Variants in LSAMP observed in about 807,000 individuals in gnomAD.
LSAMP encodes limbic system-associated membrane protein.
A neutral mutation model predicts 38.6 loss-of-function variants in LSAMP; 7 were observed. The ratio of observed to expected loss-of-function variants is 0.18; its 90% CI spans 0.10 to 0.34. The LOEUF (loss-of-function observed/expected upper bound fraction) is 0.34. Among genes scored for constraint, LSAMP ranks in the 10% least tolerant of loss-of-function variants. The pLI is 1.00. For synonymous variants in LSAMP, 154 were observed against 166.8 expected (o/e 0.92, Z 0.59); for missense variants, 313 against 420.0 (o/e 0.75, Z 2.23).
At chr3:116,277,004 G>C (rs1170170973) in intron 1 of LSAMP, among the ~76,000 whole-genome samples, 1 of 152,170 alleles carries the variant, frequency 6.6e-6, no homozygotes, top group Non-Finnish European at 1.5e-5. Flanking sequence ...AGTACACATG[G>C]AGCAGAAGAC....
chr3:116,236,001 T>C (rs554765767), intron 1 of LSAMP, among the ~76,000 whole-genome samples: 6 of 152,304 alleles, frequency 3.9e-5, no homozygotes, highest in African/African-American at 1.4e-4. Flanking sequence ...TAAATTTATT[T>C]GGTGCCTTTT....
intron 1 of LSAMP, among the ~76,000 whole-genome samples, chr3:116,213,613 A>G (rs2046187880): frequency 6.6e-6 from 1 of 152,228 alleles, no homozygotes; most frequent in Non-Finnish European, 1.5e-5. Flanking sequence ...TCAATAGCCA[A>G]CATGTGGAAA....
chr3:116,307,185 C>T (rs573587100), intron 1 of LSAMP, among the ~76,000 whole-genome samples: 20 of 151,994 alleles, frequency 1.3e-4, no homozygotes, highest in Non-Finnish European at 2.8e-4. Context: ...AAATTTGACT[C>T]AGGGCAAAGC....
intron 1 of LSAMP, among the ~76,000 whole-genome samples, chr3:116,434,127 C>T (rs1559866847): frequency 6.6e-6 from 1 of 152,140 alleles, no homozygotes; most frequent in Non-Finnish European, 1.5e-5. Flanking sequence ...CCTCTTCAAC[C>T]CCACATCCAC....
At chr3:116,107,860 G>A (rs1406389659) in intron 1 of LSAMP, among the ~76,000 whole-genome samples, 1 of 152,122 alleles carries the variant, frequency 6.6e-6, no homozygotes, top group East Asian at 1.9e-4. Flanking sequence ...AGAGTATATG[G>A]GTTTGGCACC....
intron 2 of LSAMP, among the ~76,000 whole-genome samples, chr3:116,045,854 C>G (rs1941278463): frequency 6.6e-6 from 1 of 152,162 alleles, no homozygotes. Flanking sequence ...CCAAAGAGAT[C>G]AAATACATTT....
intron 4 of LSAMP, among the ~76,000 whole-genome samples, chr3:115,846,348 C>G (rs1225661296): frequency 6.6e-6 from 1 of 152,034 alleles, no homozygotes. Flanking sequence ...TCACCAATAA[C>G]AAGACTCTTT....
chr3:116,346,995 A>C (rs2048071592), intron 1 of LSAMP, among the ~76,000 whole-genome samples: 1 of 152,336 alleles, frequency 6.6e-6, no homozygotes, highest in South Asian at 2.1e-4. Flanking sequence ...TATTTATGTA[A>C]TTTTGAAAAA....
At chr3:116,272,057 T>A (rs1011774203) in intron 1 of LSAMP, among the ~76,000 whole-genome samples, 1 of 152,006 alleles carries the variant, frequency 6.6e-6, no homozygotes, top group African/African-American at 2.4e-5. Flanking sequence ...ATGGAAGGAA[T>A]TCTCAAAGCC....
Position 115,805,572 on chromosome 3 carries a change from A to G in LSAMP, c.*4745T>C, listed in dbSNP as rs1181856455. 6.6e-6 allele frequency: 1 copy of G among 152,212 alleles called. No individual in the cohort carries two copies. The allele number at this position is 152,212 out of a possible 1,614,324, so 9.4% of individuals were successfully genotyped here. On this transcript the variant is annotated 3_prime_UTR_variant, in exon 7 of 7. Coordinates refer to ENST00000490035, the MANE Select transcript of LSAMP (RefSeq NM_002338.5). ...ATGTGCTCAAAAGAAATCAAGGTTT[A>G]AAATAAGTTTTCCATAATATTCATA...
intron 1 of LSAMP, among the ~76,000 whole-genome samples, chr3:116,393,432 G>A (rs2048728639): frequency 6.6e-6 from 1 of 152,170 alleles, no homozygotes; most frequent in Non-Finnish European, 1.5e-5. Context: ...TGAAGCAATA[G>A]CCAGTGCATC....
chr3:116,309,285 T>A (rs2047525111), intron 1 of LSAMP, among the ~76,000 whole-genome samples: 1 of 152,082 alleles, frequency 6.6e-6, no homozygotes, highest in African/African-American at 2.4e-5. Context: ...TTACCAAGTA[T>A]AATCTGGTAA....
intron 1 of LSAMP, among the ~76,000 whole-genome samples, chr3:116,178,375 C>T (rs1295021665): frequency 1.3e-5 from 2 of 152,182 alleles, no homozygotes; most frequent in East Asian, 3.9e-4. Flanking sequence ...ACCACGTTGG[C>T]CAGGCTGGTC....
intron 1 of LSAMP, among the ~76,000 whole-genome samples, chr3:116,404,401 AATAG>A (rs1466202421): frequency 5.3e-5 from 8 of 152,294 alleles, no homozygotes; most frequent in African/African-American, 1.9e-4. Flanking sequence ...GACTGGCTTA[AATAG>A]ATAGTTATAG....
chr3:116,345,126 C>G (rs572050351), intron 1 of LSAMP, among the ~76,000 whole-genome samples: 1 of 152,084 alleles, frequency 6.6e-6, no homozygotes, highest in Non-Finnish European at 1.5e-5. Flanking sequence ...ATGGAGATTA[C>G]TATTTGTCTG....
intron 1 of LSAMP, among the ~76,000 whole-genome samples, chr3:116,137,260 C>T (rs114960032): frequency 0.053 from 8,045 of 152,062 alleles, 270 homozygotes; most frequent in Middle Eastern, 0.16. Context: ...ATCTTAATTA[C>T]ATCAGCCAAG....
chr3:116,404,750 TG>T (rs751074216), intron 1 of LSAMP, among the ~76,000 whole-genome samples: 2 of 152,142 alleles, frequency 1.3e-5, no homozygotes, highest in Non-Finnish European at 2.9e-5. Context: ...GTGACAAAAT[TG>T]TTTTTTTGTG....
At chr3:116,120,841 C>G (rs747572285) in intron 1 of LSAMP, among the ~76,000 whole-genome samples, 3 of 152,218 alleles carry the variant, frequency 2.0e-5, no homozygotes, top group Non-Finnish European at 4.4e-5. Flanking sequence ...CTGAGTAAAA[C>G]AAACTTGATG....
intron 1 of LSAMP, among the ~76,000 whole-genome samples, chr3:116,171,993 T>G (rs946815889): frequency 6.6e-6 from 1 of 152,072 alleles, no homozygotes; most frequent in African/African-American, 2.4e-5. Context: ...ACAATAAAAT[T>G]ACTTATTTTA....
Sources: gnomAD v4.1 joint callset for allele counts (sites outside exome capture counted in the v4.1 genomes callset) on GRCh38, gnomAD v4.1.1 for gene constraint, MANE v1.5 for transcripts, NCBI Gene and HGNC (gene_info 2026-07-23, HGNC 2026-07-21) for gene names.